Variants in NCKAP5 observed in about 807,000 individuals in gnomAD.
NCKAP5 encodes the protein nck-associated protein 5.
In NCKAP5, 92 loss-of-function variants were observed where a neutral mutation model predicts 167.0. The ratio of observed to expected loss-of-function variants is 0.55; its 90% CI spans 0.47 to 0.66. NCKAP5 has a LOEUF of 0.66. Among genes scored for constraint, NCKAP5 ranks in the 30% least tolerant of loss-of-function variants. The probability of loss-of-function intolerance (pLI) is 0.00; values close to 1 mark genes in which losing one functional copy is unlikely to be tolerated. For synonymous variants in NCKAP5, 891 were observed against 877.4 expected (o/e 1.02, Z -0.27); for missense variants, 2,378 against 2,315.0 (o/e 1.03, Z -0.56).
intron 16 of NCKAP5, among the ~76,000 whole-genome samples, chr2:132,735,977 T>C (rs962559559): frequency 6.6e-6 from 1 of 152,212 alleles, no homozygotes; most frequent in African/African-American, 2.4e-5. Flanking sequence ...AATATTGTTA[T>C]ACCAGAGCCT....
chr2:132,869,428 G>C (rs1026296139), intron 9 of NCKAP5, among the ~76,000 whole-genome samples: 1 of 152,116 alleles, frequency 6.6e-6, no homozygotes. Context: ...AGGTTGAATG[G>C]TCTAGCATAG....
chr2:132,785,136 C>G lies in NCKAP5; in HGVS notation c.1675G>C (p.Val559Leu). 1 of 1,611,876 alleles carries G rather than the reference C, an allele frequency of 6.2e-7. No individual in the cohort carries two copies. The highest frequency in any genetic ancestry group is 8.5e-7 in the Non-Finnish European group (1 of 1,179,174). The change falls in exon 14 of 20, where the codon GTA becomes CTA. Residue 559 changes from valine (V) to leucine (L), a missense_variant. Physicochemically the swap from Val to Leu is conservative, Grantham distance 32. Transcript: ENST00000409261. ...CCCTGTGGGCCCCTCTCCCTCTGTA[C>G]CTGAGGCGTCTGCACACTTGGGCAC... ...KLCPSVQTPQVQRERGPQGQG... is the reference protein window; with the variant it reads ...KLCPSVQTPQLQRERGPQGQG...
intron 6 of NCKAP5, among the ~76,000 whole-genome samples, chr2:133,007,272 T>C (rs2078001020): frequency 6.6e-6 from 1 of 152,236 alleles, no homozygotes; most frequent in African/African-American, 2.4e-5. Context: ...AAAAATGCTA[T>C]ATATGTTGAT....
Position 132,782,211 on chromosome 2 carries a change from T to C in NCKAP5, c.4600A>G (p.Lys1534Glu), listed in dbSNP as rs752185791. Residue 1534 changes from lysine (K) to glutamate (E), a missense_variant, in exon 14 of 20, where the codon AAG becomes GAG. Physicochemically the swap from Lys to Glu is moderately conservative, Grantham distance 56. Transcript: ENST00000409261. ...KMDISKTKVE[K>E]KDAKVLGFGN... ...AACCCCAAGACTTTTGCATCTTTCT[T>C]TTCTACTTTGGTTTTGGAGATGTCC... 3.7e-6 allele frequency: 6 copies of C among 1,613,884 alleles called. No homozygotes were observed. The highest frequency in any genetic ancestry group is 5.1e-6 in the Non-Finnish European group (6 of 1,179,878).
chr2:132,862,914 C>T (rs1429851691), intron 10 of NCKAP5, among the ~76,000 whole-genome samples: 6 of 152,038 alleles, frequency 3.9e-5, no homozygotes, highest in Non-Finnish European at 7.4e-5. Flanking sequence ...CTCCACCTCC[C>T]GGGTTCAGGC....
At chr2:133,086,134 G>T (rs1312804374) in intron 6 of NCKAP5, among the ~76,000 whole-genome samples, 1 of 152,114 alleles carries the variant, frequency 6.6e-6, no homozygotes, top group Non-Finnish European at 1.5e-5. Flanking sequence ...GCACTAAAAG[G>T]TCTATTGAAG....
intron 16 of NCKAP5, among the ~76,000 whole-genome samples, chr2:132,767,187 C>G (rs1283834086): frequency 6.6e-6 from 1 of 152,168 alleles, no homozygotes; most frequent in Non-Finnish European, 1.5e-5. Flanking sequence ...CAAATTTGCT[C>G]AAACCAGTAC....
chr2:132,771,818 A>AC (rs1682085863), intron 16 of NCKAP5, among the ~76,000 whole-genome samples: 1 of 140,798 alleles, frequency 7.1e-6, no homozygotes, highest in South Asian at 2.3e-4. Context: ...GACTACAGGC[A>AC]CCCACAACCA....
chr2:132,734,051 T>G (rs1691282966), intron 16 of NCKAP5, among the ~76,000 whole-genome samples: 1 of 152,206 alleles, frequency 6.6e-6, no homozygotes, highest in South Asian at 2.1e-4. Context: ...CCAAGAGAAG[T>G]GCTTTTCTTT....
rs564312488 is a variant in NCKAP5, at chr2:133,121,373, G to A, written c.341+8605C>T. 4.6e-5 allele frequency among the ~76,000 whole-genome samples: 7 copies of A among 152,208 alleles called. No homozygotes were observed. In the South Asian group the frequency reaches 1.5e-3, roughly 32 times the overall value. ...AATGATGACACTATTAAAAACACAG[G>A]AGGGTTATTGCCATAAGGTCACACT... is the stretch of plus-strand genomic sequence containing the variant. On this transcript the variant is annotated intron_variant, in intron 6 of 19. Transcript: ENST00000409261.
At chr2:133,201,012 T>C (rs1258995089) in intron 5 of NCKAP5, among the ~76,000 whole-genome samples, 1 of 152,208 alleles carries the variant, frequency 6.6e-6, no homozygotes, top group Non-Finnish European at 1.5e-5. Flanking sequence ...ATTTAGTTTC[T>C]AAATTGTGCA....
chr2:132,771,312 G>A (rs1168775207), intron 16 of NCKAP5, among the ~76,000 whole-genome samples: 4 of 151,838 alleles, frequency 2.6e-5, no homozygotes, highest in African/African-American at 4.8e-5. Context: ...AATTTAAAAT[G>A]GGAAAAAAAA....
rs146132294 is a variant in NCKAP5, at chr2:133,400,754, C to T, written c.70-97644G>A. Among the ~76,000 whole-genome samples the T allele has an allele frequency of 7.2e-5, 11 of 152,124 alleles. No individual in the cohort carries two copies. In the East Asian group the frequency reaches 1.9e-3, roughly 27 times the overall value. The stretch of plus-strand genomic sequence containing the variant: ...AACTAATACAATGATTAAATGGTAT[C>T]GATTTATTTTTAAATTTGCATTTCA... On this transcript the variant is annotated intron_variant, in intron 3 of 19. Transcript: ENST00000409261.
At chr2:133,132,645 C>G (rs1040322282) in intron 5 of NCKAP5, among the ~76,000 whole-genome samples, 1 of 151,592 alleles carries the variant, frequency 6.6e-6, no homozygotes, top group African/African-American at 2.4e-5. Flanking sequence ...ATAATCCACA[C>G]CTACTAAATA....
intron 3 of NCKAP5, among the ~76,000 whole-genome samples, chr2:133,320,390 C>T (rs1347998714): frequency 5.3e-5 from 8 of 152,282 alleles, no homozygotes; most frequent in Admixed American, 3.9e-4. Flanking sequence ...GACCTCCTCT[C>T]GCTGTCAAAG....
intron 6 of NCKAP5, among the ~76,000 whole-genome samples, chr2:133,010,870 CA>C (rs1201846638): frequency 1.3e-4 from 19 of 150,246 alleles, no homozygotes; most frequent in Admixed American, 8.6e-4. Flanking sequence ...GTCAATGGTA[CA>C]AAAAAGAAAA....
intron 8 of NCKAP5, among the ~76,000 whole-genome samples, chr2:132,937,099 C>T (rs746724449): frequency 8.5e-5 from 13 of 152,154 alleles, no homozygotes; most frequent in South Asian, 4.1e-4. Context: ...AATTTACTGG[C>T]CCTCCTCTAG....
At chr2:133,494,250 C>A (rs768643514) in intron 3 of NCKAP5, among the ~76,000 whole-genome samples, 1 of 152,166 alleles carries the variant, frequency 6.6e-6, no homozygotes, top group Admixed American at 6.5e-5. Flanking sequence ...TACAGGCTTA[C>A]CAACAACACT....
intron 3 of NCKAP5, among the ~76,000 whole-genome samples, chr2:133,441,098 A>T (rs1409897196): frequency 3.4e-5 from 3 of 89,478 alleles, no homozygotes; most frequent in African/African-American, 1.3e-4. Context: ...ACACACTCAC[A>T]CACACACACA....
Sources: allele counts gnomAD v4.1 joint callset (sites outside exome capture counted in the v4.1 genomes callset), GRCh38; gene constraint gnomAD v4.1.1; transcripts MANE v1.5; gene names NCBI Gene and HGNC (gene_info 2026-07-23, HGNC 2026-07-21).